Variants in ABHD17B observed in about 807,000 individuals in gnomAD.
ABHD17B encodes the protein abhydrolase domain containing 17B, depalmitoylase, also known as alpha/beta hydrolase domain-containing protein 17B.
In ABHD17B, 9 loss-of-function variants were observed where a neutral mutation model predicts 26.2. That is an observed-to-expected ratio of 0.34 (90% CI 0.21 to 0.60). The LOEUF is 0.60. ABHD17B is among the 20% of genes least tolerant of loss of function. ABHD17B has a pLI of 0.80. For missense variants in ABHD17B, 224 were observed against 352.1 expected, an observed-to-expected ratio of 0.64 and a Z score of 2.91; for synonymous variants, 127 against 122.3, an observed-to-expected ratio of 1.04 and a Z score of -0.25.
intron 3 of ABHD17B, among the ~76,000 whole-genome samples, chr9:71,868,941 G>A (rs1826034694): frequency 1.3e-5 from 2 of 152,098 alleles, no homozygotes; most frequent in Non-Finnish European, 2.9e-5. Context: ...CACCCGCCAC[G>A]GCCTCCAAAA....
intron 1 of ABHD17B, among the ~76,000 whole-genome samples, chr9:71,883,945 A>G (rs574853950): frequency 6.6e-6 from 1 of 152,140 alleles, no homozygotes; most frequent in Non-Finnish European, 1.5e-5. Context: ...TCAAAAAAAA[A>G]AAGAAAGAGA....
At chr9:71,868,793 A>G (rs1461042319) in intron 3 of ABHD17B, among the ~76,000 whole-genome samples, 1 of 152,070 alleles carries the variant, frequency 6.6e-6, no homozygotes, top group Non-Finnish European at 1.5e-5. Flanking sequence ...GGTTCAAGGG[A>G]TTCTCATGCC....
chr9:71,881,749 G>A lies in ABHD17B; in HGVS notation c.-3-6666C>T, dbSNP rs569623787. ...AAAATACAAAAAATTAGCCGGGCAT[G>A]GTGGCACGTGCCTGTATTCCCAGCT... On this transcript the variant is annotated intron_variant, in intron 1 of 3. Transcript: ENST00000333421. 1.7e-4 allele frequency among the ~76,000 whole-genome samples: 26 copies of A among 152,200 alleles called. 1 individual carries two copies. The South Asian group carries it at 5.4e-3, about 32-fold the overall frequency.
intron 1 of ABHD17B, among the ~76,000 whole-genome samples, chr9:71,886,421 CAAAAAAAA>C (rs5898239): frequency 7.9e-6 from 1 of 126,882 alleles, no homozygotes; most frequent in Non-Finnish European, 1.7e-5. Flanking sequence ...GACCCTGTCT[CAAAAAAAA>C]AAAAAAAAAA....
chr9:71,894,067 G>A (rs1300972641), intron 1 of ABHD17B, among the ~76,000 whole-genome samples: 4 of 124,522 alleles, frequency 3.2e-5, no homozygotes, highest in East Asian at 4.8e-4. Flanking sequence ...CAGCCTGGGC[G>A]ACAGAGCGAG....
At chr9:71,904,122 A>G (rs983300023) in intron 1 of ABHD17B, among the ~76,000 whole-genome samples, 4 of 152,214 alleles carry the variant, frequency 2.6e-5, no homozygotes, top group African/African-American at 9.6e-5. Flanking sequence ...AGGTTCAACT[A>G]ACTCCTTTGG....
chr9:71,904,451 A>G (rs941479846), intron 1 of ABHD17B, among the ~76,000 whole-genome samples: 1 of 152,234 alleles, frequency 6.6e-6, no homozygotes, highest in Non-Finnish European at 1.5e-5. Flanking sequence ...AAAAATTTAT[A>G]TTCAAGTAAC....
chr9:71,905,969 C>T (rs1397321902), intron 1 of ABHD17B, among the ~76,000 whole-genome samples: 1 of 152,070 alleles, frequency 6.6e-6, no homozygotes, highest in Admixed American at 6.6e-5. Flanking sequence ...ATTGTTTGAG[C>T]TTGGCGGGGG....
intron 1 of ABHD17B, among the ~76,000 whole-genome samples, chr9:71,900,315 G>C (rs1392469717): frequency 1.3e-5 from 2 of 152,112 alleles, no homozygotes; most frequent in African/African-American, 4.8e-5. Context: ...TTTCTAGACG[G>C]CCTACAAGGT....
chr9:71,884,569 T>A (rs1826548253), intron 1 of ABHD17B, among the ~76,000 whole-genome samples: 1 of 151,648 alleles, frequency 6.6e-6, no homozygotes, highest in Non-Finnish European at 1.5e-5. Flanking sequence ...GACAAATACA[T>A]TTCTAAGGGT....
chr9:71,900,757 C>G (rs573966450), intron 1 of ABHD17B, among the ~76,000 whole-genome samples: 2 of 152,126 alleles, frequency 1.3e-5, no homozygotes, highest in African/African-American at 2.4e-5. Context: ...TACTATCCCC[C>G]CCTCATCACT....
chr9:71,865,248 T>G lies in ABHD17B; in HGVS notation c.*1539A>C, dbSNP rs748919908. On this transcript the variant is annotated 3_prime_UTR_variant, in exon 4 of 4. Transcript: ENST00000333421. ...CTTTGAAGAGAGTCATATACTATAG[T>G]CTTAAACATAACCACGGAACGAGCA... 7.1e-5 allele frequency: 70 copies of G among 985,540 alleles called. No individual in the cohort carries two copies. Among genetic ancestry groups the G allele is most frequent in the Non-Finnish European group, 8.1e-5 (67 of 829,850 alleles). The allele number at this position is 985,540 out of a possible 1,614,324, so 61.0% of individuals were successfully genotyped here.
At chr9:71,906,367 T>C (rs553004385) in intron 1 of ABHD17B, among the ~76,000 whole-genome samples, 9 of 152,342 alleles carry the variant, frequency 5.9e-5, no homozygotes, top group South Asian at 2.1e-4. Context: ...GCATTGGTAA[T>C]TGAATGGCTA....
rs1825933820 is a variant in ABHD17B, at chr9:71,865,563, T to G, written c.*1224A>C. 1.1e-4 allele frequency: 106 copies of G among 985,202 alleles called. No homozygotes were observed. The highest frequency in any genetic ancestry group is 1.2e-4 in the Non-Finnish European group (101 of 829,890). 61.0% of individuals were successfully genotyped at this position (985,202 alleles called of 1,614,324 possible). On this transcript the variant is annotated 3_prime_UTR_variant, in exon 4 of 4. Transcript: ENST00000333421. The stretch of plus-strand genomic sequence containing the variant: ...TAGTAATCCAAAACAATAGGTCCTA[T>G]TTTTAAAAATAGCTAAAGTGGGCCA...
chr9:71,884,856 C>T (rs1826558962), intron 1 of ABHD17B, among the ~76,000 whole-genome samples: 1 of 152,084 alleles, frequency 6.6e-6, no homozygotes, highest in Admixed American at 6.5e-5. Flanking sequence ...ACTGATTCAA[C>T]TCTTTGCACC....
intron 1 of ABHD17B, among the ~76,000 whole-genome samples, chr9:71,881,152 T>A (rs1826429892): frequency 6.6e-6 from 1 of 152,148 alleles, no homozygotes; most frequent in Admixed American, 6.5e-5. Context: ...GACAAATATA[T>A]CTAAGGAATA....
At chr9:71,906,379 C>T (rs1288849743) in intron 1 of ABHD17B, among the ~76,000 whole-genome samples, 1 of 152,236 alleles carries the variant, frequency 6.6e-6, no homozygotes, top group East Asian at 1.9e-4. Flanking sequence ...GAATGGCTAA[C>T]ATACCTGTTT....
intron 1 of ABHD17B, among the ~76,000 whole-genome samples, chr9:71,896,929 G>A (rs1315298407): frequency 1.3e-5 from 2 of 152,178 alleles, no homozygotes; most frequent in African/African-American, 4.8e-5. Context: ...CCCTGGGGCT[G>A]ATTATATACA....
intron 2 of ABHD17B, among the ~76,000 whole-genome samples, chr9:71,873,466 C>A (rs1357218107): frequency 6.6e-6 from 1 of 152,026 alleles, no homozygotes; most frequent in African/African-American, 2.4e-5. Flanking sequence ...GGTGTGATCT[C>A]AGCTCACTGC....
Sources: allele counts gnomAD v4.1 joint callset (sites outside exome capture counted in the v4.1 genomes callset), GRCh38; gene constraint gnomAD v4.1.1; transcripts MANE v1.5; gene names NCBI Gene and HGNC (gene_info 2026-07-23, HGNC 2026-07-21).